The following ELK4 variants were observed in gnomAD, a reference collection of about 807,000 sequenced individuals.
The protein encoded by ELK4 is ETS transcription factor ELK4, also known as ETS domain-containing protein Elk-4.
In ELK4, 16 loss-of-function variants were observed where a neutral mutation model predicts 29.6. The ratio of observed to expected loss-of-function variants is 0.54; its 90% CI spans 0.37 to 0.82. ELK4 has a LOEUF of 0.82. Ranked by LOEUF, ELK4 falls within the 40% of genes least tolerant of loss-of-function variation. ELK4 has a pLI of 0.00. For missense variants in ELK4, 465 were observed against 507.1 expected, an observed-to-expected ratio of 0.92 and a Z score of 0.80; for synonymous variants, 213 against 191.1, an observed-to-expected ratio of 1.11 and a Z score of -0.95.
Position 205,615,568 on chromosome 1 carries a change from G to A in ELK4, c.*978C>T, listed in dbSNP as rs1466347466. On this transcript the variant is annotated 3_prime_UTR_variant, in exon 5 of 5. Coordinates refer to ENST00000357992, the MANE Select transcript of ELK4 (RefSeq NM_001973.4). ...GTAGAAAATGAGGTAAAATGAACAG[G>A]AAAAAGACAGGTCCTTCACTTGGTT... 1.0e-5 allele frequency: 2 copies of A among 192,042 alleles called. No individual in the cohort carries two copies. Among genetic ancestry groups the A allele is most frequent in the Admixed American group, 6.1e-5 (1 of 16,270 alleles). The allele number at this position is 192,042 out of a possible 1,614,324, so 11.9% of individuals were successfully genotyped here.
At chr1:205,626,250 A>C in intron 1 of ELK4, 1 of 486,868 alleles carries the variant, frequency 2.1e-6, no homozygotes, top group Non-Finnish European at 3.9e-6. Context: ...CACCTCCCTT[A>C]TTCAGGACCG....
At chr1:205,624,587 T>C (rs1214591379) in intron 1 of ELK4, among the ~76,000 whole-genome samples, 1 of 152,230 alleles carries the variant, frequency 6.6e-6, no homozygotes, top group Admixed American at 6.5e-5. Context: ...CTTTATGTGA[T>C]TATCAAGGCA....
chr1:205,607,986 C>T lies in ELK4; in HGVS notation c.*8560G>A, dbSNP rs993464246. On this transcript the variant is annotated 3_prime_UTR_variant, in exon 5 of 5. Transcript: ENST00000357992. ...TTATTTAAAAAAATACAACTGCTGT[C>T]CATATCTAGTTGCACATATATCTAT... The T allele has an allele frequency of 5.7e-6, 1 of 175,896 alleles. No homozygotes were observed. Among genetic ancestry groups the T allele is most frequent in the African/African-American group, 2.4e-5 (1 of 42,124 alleles). 10.9% of individuals were successfully genotyped at this position (175,896 alleles called of 1,614,324 possible).
chr1:205,620,488 T>A lies in ELK4; in HGVS notation c.558A>T (p.Pro186=), dbSNP rs761784510. 1.2e-6 allele frequency: 2 copies of A among 1,614,146 alleles called. No individual in the cohort carries two copies. Among genetic ancestry groups the A allele is most frequent in the Admixed American group, 3.3e-5 (2 of 60,020 alleles). ...GTGTCGTGACAAATTTGATGACAGA[T>A]GGTGTGGGCTCCTGAGGAGATTTTT... is the stretch of plus-strand genomic sequence containing the variant. ...AEKKSPQEPT[P]SVIKFVTTPS... is the part of the protein sequence containing the mutation. Residue 186 remains proline, a synonymous_variant, in exon 3 of 5, where the codon CCA becomes CCT. Transcript: ENST00000357992.
At chr1:205,626,178 G>A (rs979568101) in intron 1 of ELK4, 2 of 623,354 alleles carry the variant, frequency 3.2e-6, no homozygotes, top group Admixed American at 1.9e-5. Context: ...AGCTGGAAGG[G>A]GGGTCTCATT....
chr1:205,609,703 A>T lies in ELK4; in HGVS notation c.*6843T>A. On this transcript the variant is annotated 3_prime_UTR_variant, in exon 5 of 5. Transcript: ENST00000357992. Reference sequence around the variant, plus strand: ...ACACAATAGACAATAAGCAACAATGACCAAACAGAAAAGAAACTTAAAATT... The same window carrying T: ...ACACAATAGACAATAAGCAACAATGTCCAAACAGAAAAGAAACTTAAAATT... The T allele has an allele frequency of 4.8e-6, 1 of 207,808 alleles. No homozygotes were observed. The highest frequency in any genetic ancestry group is 9.8e-6 in the Non-Finnish European group (1 of 101,750). The allele number at this position is 207,808 out of a possible 1,614,324, so 12.9% of individuals were successfully genotyped here. A position where few individuals can be genotyped will look rare whatever the true frequency, so the allele number is the denominator to read the frequency against.
chr1:205,617,941 C>G (rs990861457), intron 4 of ELK4, among the ~76,000 whole-genome samples: 3 of 151,284 alleles, frequency 2.0e-5, no homozygotes, highest in Non-Finnish European at 2.9e-5. Flanking sequence ...AAAGAGGGAA[C>G]CTATGTGCAG....
In ELK4 at chr1:205,623,876, T is replaced by C. The variant is rs146371497; in HGVS notation, c.7A>G (p.Ser3Gly). MD[S>G]AITLWQFLLQ... ...AGGAACTGCCACAGGGTGATAGCAC[T>C]GTCCATAGCAATGAGCTGAAAGAAT... The change falls in exon 2 of 5, where the codon AGT (serine) becomes GGT (glycine). Residue 3 changes from serine (S) to glycine (G), a missense_variant. Ser to Gly is a moderately conservative substitution (Grantham distance 56). Transcript: ENST00000357992. The C allele has an allele frequency of 4.3e-6, 7 of 1,614,076 alleles. No homozygotes were observed. The East Asian group carries it at 6.7e-5, about 15-fold the overall frequency.
chr1:205,631,753 G>A lies in ELK4; in HGVS notation c.-131C>T. On this transcript the variant is annotated 5_prime_UTR_variant, in exon 1 of 5. Transcript: ENST00000357992. Reference sequence around the variant, plus strand: ...CGCGGCAGCCGCTGCGACCCCCGCGGCGGAGCCGTAGAAGGCGGCGGCGGC... The same window carrying A: ...CGCGGCAGCCGCTGCGACCCCCGCGACGGAGCCGTAGAAGGCGGCGGCGGC... The A allele has an allele frequency of 3.4e-6, 1 of 294,426 alleles. No individual in the cohort carries two copies. Among genetic ancestry groups the A allele is most frequent in the South Asian group, 2.6e-5 (1 of 38,536 alleles). 18.2% of individuals were successfully genotyped at this position (294,426 alleles called of 1,614,324 possible).
rs562589899 is a variant in ELK4 at position 205,608,010 on chromosome 1, A to G, written c.*8536T>C. 2.1e-4 allele frequency: 37 copies of G among 177,984 alleles called. No homozygotes were observed. Among genetic ancestry groups the G allele is most frequent in the Non-Finnish European group, 3.6e-4 (30 of 82,832 alleles). The allele number at this position is 177,984 out of a possible 1,614,324, so 11.0% of individuals were successfully genotyped here. A position where few individuals can be genotyped will look rare whatever the true frequency, so the allele number is the denominator to read the frequency against. ...TCCATATCTAGTTGCACATATATCT[A>G]TTAACATATATGTATACTTTTAGAC... On this transcript the variant is annotated 3_prime_UTR_variant, in exon 5 of 5. Coordinates refer to ENST00000357992, the MANE Select transcript of ELK4 (RefSeq NM_001973.4).
Position 205,620,250 on chromosome 1 carries a change from T to G in ELK4, c.796A>C (p.Arg266=). The change falls in exon 3 of 5, where the codon AGA becomes CGA. Residue 266 remains arginine (R), a synonymous_variant. Transcript: ENST00000357992. ...SSIPPLQEPP[R]TPSPPLSSHP... ...GAACTCAGTGGTGGTGAAGGTGTTC[T>G]GGGAGGTTCCTGCAAAGGGGGTATG... The G allele has an allele frequency of 1.2e-6, 2 of 1,614,200 alleles. No individual in the cohort carries two copies. The highest frequency in any genetic ancestry group is 2.2e-5 in the South Asian group (2 of 91,084).
At chr1:205,625,969 G>T in intron 1 of ELK4, 1 of 1,045,850 alleles carries the variant, frequency 9.6e-7, no homozygotes, top group South Asian at 1.3e-5. Flanking sequence ...AAGCCACTGC[G>T]CCCGGCCCAG....
In ELK4 at chr1:205,616,485, G is replaced by T; in HGVS notation, c.*61C>A. ...GAACTATCAATTGCTCACTTCAAAT[G>T]CAATCATGTTGAATGTCTGTTTCTT... On this transcript the variant is annotated 3_prime_UTR_variant, in exon 5 of 5. Coordinates refer to ENST00000357992, the MANE Select transcript of ELK4 (RefSeq NM_001973.4). The T allele has an allele frequency of 6.9e-7, 1 of 1,448,572 alleles. No individual in the cohort carries two copies. The highest frequency in any genetic ancestry group is 9.7e-7 in the Non-Finnish European group (1 of 1,032,778). The allele number at this position is 1,448,572 out of a possible 1,614,324, so 89.7% of individuals were successfully genotyped here.
rs984415889 is a variant in ELK4 at position 205,613,608 on chromosome 1, A to T, written c.*2938T>A. The T allele has an allele frequency of 1.1e-5, 2 of 180,066 alleles. No homozygotes were observed. The highest frequency in any genetic ancestry group is 4.7e-5 in the African/African-American group (2 of 42,326). 11.2% of individuals were successfully genotyped at this position (180,066 alleles called of 1,614,324 possible). On this transcript the variant is annotated 3_prime_UTR_variant, in exon 5 of 5. Coordinates refer to ENST00000357992, the MANE Select transcript of ELK4 (RefSeq NM_001973.4). ...AGAATTTGATATAAAATTCTAATTTATATTAGAATTTTATTTATAATTTAT... is the reference window on the plus strand; with the variant it reads ...AGAATTTGATATAAAATTCTAATTTTTATTAGAATTTTATTTATAATTTAT...
Position 205,623,891 on chromosome 1 carries a change from G to A in ELK4, c.-9C>T, listed in dbSNP as rs757153256. 3 of 1,613,694 alleles carry A rather than the reference G, an allele frequency of 1.9e-6. No homozygotes were observed. In the Admixed American group the frequency reaches 5.0e-5, roughly 27 times the overall value. On this transcript the variant is annotated splice_region_variant and 5_prime_UTR_variant, in exon 2 of 5. Transcript: ENST00000357992. ...GTGATAGCACTGTCCATAGCAATGA[G>A]CTGAAAGAATATAGATAAGATATGT...
In ELK4 at chr1:205,616,346, A is replaced by G. The variant is rs886402229; in HGVS notation, c.*200T>C. The G allele has an allele frequency of 4.3e-6, 2 of 466,594 alleles. No individual in the cohort carries two copies. The allele number at this position is 466,594 out of a possible 1,614,324, so 28.9% of individuals were successfully genotyped here. On this transcript the variant is annotated 3_prime_UTR_variant, in exon 5 of 5. Coordinates refer to ENST00000357992, the MANE Select transcript of ELK4 (RefSeq NM_001973.4). Reference sequence around the variant, plus strand: ...AGAGGGAGGTGGAGTTTAGACTCCAATTAAGGCATTTTTATACATATAGTC... The same window carrying G: ...AGAGGGAGGTGGAGTTTAGACTCCAGTTAAGGCATTTTTATACATATAGTC...
In ELK4 at chr1:205,611,574, A is replaced by G. The variant is rs1004066483; in HGVS notation, c.*4972T>C. On this transcript the variant is annotated 3_prime_UTR_variant, in exon 5 of 5. Transcript: ENST00000357992. ...TCTGGTTAGAGTACCTGCTGAAGAAAGACAACTATGGCTGACCTCCACACT... is the reference window on the plus strand; with the variant it reads ...TCTGGTTAGAGTACCTGCTGAAGAAGGACAACTATGGCTGACCTCCACACT... 4.9e-6 allele frequency: 1 copy of G among 205,286 alleles called. No homozygotes were observed. The highest frequency in any genetic ancestry group is 1.0e-5 in the Non-Finnish European group (1 of 100,370). 12.7% of individuals were successfully genotyped at this position (205,286 alleles called of 1,614,324 possible).
At chr1:205,629,466 C>T (rs1035395973) in intron 1 of ELK4, among the ~76,000 whole-genome samples, 3 of 152,196 alleles carry the variant, frequency 2.0e-5, no homozygotes, top group African/African-American at 7.2e-5. Context: ...TGGCATACGC[C>T]TACCATCCCA....
In ELK4 at chr1:205,623,663, G is replaced by C; in HGVS notation, c.207+13C>G. 6.2e-7 allele frequency: 1 copy of C among 1,613,192 alleles called. No individual in the cohort carries two copies. Among genetic ancestry groups the C allele is most frequent in the Admixed American group, 1.7e-5 (1 of 60,022 alleles). On this transcript the variant is annotated intron_variant, in intron 2 of 4. Transcript: ENST00000357992. ...AGGTTCTCTGTATAGTATAAGATCAGGATGTGTACTACCTTTACATAATAG... is the reference window on the plus strand; with the variant it reads ...AGGTTCTCTGTATAGTATAAGATCACGATGTGTACTACCTTTACATAATAG...
Sources: allele counts gnomAD v4.1 joint callset (sites outside exome capture counted in the v4.1 genomes callset), GRCh38; gene constraint gnomAD v4.1.1; transcripts MANE v1.5; gene names NCBI Gene and HGNC (gene_info 2026-07-23, HGNC 2026-07-21).